Variants in GRID2 observed in about 807,000 individuals in gnomAD.
GRID2 encodes glutamate ionotropic receptor delta type subunit 2, also known as glutamate receptor ionotropic, delta-2.
GRID2 carries 33 observed loss-of-function variants against 114.8 expected under a neutral mutation model. The ratio of observed to expected loss-of-function variants is 0.29; its 90% confidence interval spans 0.22 to 0.38. The LOEUF (loss-of-function observed/expected upper bound fraction) is 0.38, where lower values mean the gene tolerates loss of function less well. Among genes scored for constraint, GRID2 ranks in the 10% least tolerant of loss-of-function variants. The pLI is 1.00. For synonymous variants in GRID2, 505 were observed against 449.9 expected, an observed-to-expected ratio of 1.12 and a Z score of -1.55; for missense variants, 1,184 against 1,257.7, an observed-to-expected ratio of 0.94 and a Z score of 0.89.
chr4:92,884,795 T>C (rs931174318), intron 2 of GRID2: 10 of 327,446 alleles, frequency 3.1e-5, no homozygotes, highest in Non-Finnish European at 5.0e-5. Context: ...AATAATGCTA[T>C]TTAAAAATTT....
intron 4 of GRID2, among the ~76,000 whole-genome samples, chr4:93,167,073 G>A (rs1202575109): frequency 6.6e-6 from 1 of 152,202 alleles, no homozygotes; most frequent in African/African-American, 2.4e-5. Context: ...TTTCATAAGA[G>A]AGGTAGTGAA....
At chr4:93,526,192 G>T (rs1433838339) in intron 13 of GRID2, among the ~76,000 whole-genome samples, 3 of 152,176 alleles carry the variant, frequency 2.0e-5, no homozygotes, top group African/African-American at 7.2e-5. Flanking sequence ...AATAGTGAGT[G>T]AGTTCTTGCC....
intron 8 of GRID2, among the ~76,000 whole-genome samples, chr4:93,262,837 G>T (rs1188022945): frequency 1.3e-5 from 2 of 149,212 alleles, no homozygotes; most frequent in Admixed American, 6.8e-5. Context: ...TAAAAAAAAT[G>T]AAATCGCTAT....
intron 13 of GRID2, among the ~76,000 whole-genome samples, chr4:93,572,591 A>G (rs1736033366): frequency 6.6e-6 from 1 of 152,144 alleles, no homozygotes; most frequent in African/African-American, 2.4e-5. Context: ...CATATATAGA[A>G]TGTCTTATTT....
chr4:93,095,968 A>G (rs553701535), intron 3 of GRID2, among the ~76,000 whole-genome samples: 11 of 152,156 alleles, frequency 7.2e-5, no homozygotes, highest in South Asian at 4.1e-4. Flanking sequence ...AAAAGATTGG[A>G]TGAAATATTT....
At chr4:92,474,610 A>T (rs1266108449) in intron 1 of GRID2, among the ~76,000 whole-genome samples, 27 of 152,064 alleles carry the variant, frequency 1.8e-4, no homozygotes, top group Admixed American at 1.8e-3. Flanking sequence ...TTTCATAATG[A>T]TGGTATCAAT....
intron 13 of GRID2, among the ~76,000 whole-genome samples, chr4:93,542,542 AAAAAGAGCAG>A (rs1168885726): frequency 6.6e-6 from 1 of 152,186 alleles, no homozygotes; most frequent in Non-Finnish European, 1.5e-5. Context: ...CACTGGAAGT[AAAAAGAGCAG>A]AAAAGAGCAG....
At position 92,415,210 on chromosome 4, in the gene GRID2, A is replaced by T. The variant is rs528456289; in HGVS notation, c.88+110466A>T. On this transcript the variant is annotated intron_variant, in intron 1 of 15. Coordinates refer to ENST00000282020, the MANE Select transcript of GRID2 (RefSeq NM_001510.4). ...GTTGATAATATTAGCAATAATTCAT[A>T]TTCTTACCATAATTTACCACTGACA... 3.3e-5 allele frequency among the ~76,000 whole-genome samples: 5 copies of T among 152,258 alleles called. No homozygotes were observed. In the South Asian group the frequency reaches 1.0e-3, roughly 32 times the overall value.
chr4:93,382,707 C>T (rs1005724652), intron 8 of GRID2, among the ~76,000 whole-genome samples: 1 of 151,836 alleles, frequency 6.6e-6, no homozygotes, highest in Admixed American at 6.6e-5. Context: ...TCCAGTAGGT[C>T]CCCCATCATG....
chr4:92,898,174 A>G (rs979094113), intron 2 of GRID2, among the ~76,000 whole-genome samples: 5 of 152,156 alleles, frequency 3.3e-5, no homozygotes, highest in Admixed American at 6.5e-5. Context: ...TGACTGCATG[A>G]AAAAGAATTT....
At chr4:92,531,717 C>T (rs1485747420) in intron 1 of GRID2, among the ~76,000 whole-genome samples, 2 of 151,968 alleles carry the variant, frequency 1.3e-5, no homozygotes, top group African/African-American at 2.4e-5. Context: ...GAAAATGAGA[C>T]ATTTAAGAGG....
chr4:92,674,421 T>A (rs1733227824), intron 2 of GRID2, among the ~76,000 whole-genome samples: 1 of 152,198 alleles, frequency 6.6e-6, no homozygotes, highest in Non-Finnish European at 1.5e-5. Flanking sequence ...GTCCACCCTA[T>A]AGCTTTCTTA....
chr4:93,342,800 T>G (rs1003150998), intron 8 of GRID2, among the ~76,000 whole-genome samples: 32 of 152,330 alleles, frequency 2.1e-4, no homozygotes, highest in Admixed American at 4.6e-4. Context: ...ATTTTTTTAT[T>G]CAAACTGCAT....
intron 2 of GRID2, among the ~76,000 whole-genome samples, chr4:92,623,118 G>A (rs2149240038): frequency 6.6e-6 from 1 of 151,586 alleles, no homozygotes; most frequent in East Asian, 1.9e-4. Context: ...ATTTCAGGCT[G>A]ATTATCTTTC....
intron 8 of GRID2, among the ~76,000 whole-genome samples, chr4:93,297,727 T>C (rs940221500): frequency 6.6e-6 from 1 of 152,228 alleles, no homozygotes; most frequent in African/African-American, 2.4e-5. Flanking sequence ...AATATCATGA[T>C]CATGATCACA....
At chr4:93,786,294 G>A (rs1734590929) in intron 1 of GRID2, among the ~76,000 whole-genome samples, 3 of 152,148 alleles carry the variant, frequency 2.0e-5, no homozygotes, top group Admixed American at 2.0e-4. Context: ...CTCTCCCAAG[G>A]AATATGGTGA....
chr4:93,796,567 G>A (rs528684888), intron 1 of GRID2, among the ~76,000 whole-genome samples: 5 of 152,044 alleles, frequency 3.3e-5, no homozygotes, highest in South Asian at 2.1e-4. Context: ...TTTTTGAGAC[G>A]GAGTCTTGCT....
At chr4:93,291,507 CA>C (rs1579565132) in intron 8 of GRID2, among the ~76,000 whole-genome samples, 2 of 151,914 alleles carry the variant, frequency 1.3e-5, no homozygotes, top group African/African-American at 4.8e-5. Context: ...TACAATTTTC[CA>C]AAACTAGGTT....
chr4:93,394,584 T>A (rs892535364), intron 8 of GRID2, among the ~76,000 whole-genome samples: 2 of 151,884 alleles, frequency 1.3e-5, no homozygotes, highest in African/African-American at 4.8e-5. Flanking sequence ...ATCACAATCA[T>A]CAGGAGGAAA....
Sources: gnomAD v4.1 joint callset for allele counts (sites outside exome capture counted in the v4.1 genomes callset) on GRCh38, gnomAD v4.1.1 for gene constraint, MANE v1.5 for transcripts, NCBI Gene and HGNC (gene_info 2026-07-23, HGNC 2026-07-21) for gene names.